Variants in NCKAP5L observed in about 807,000 individuals in gnomAD.
The protein encoded by NCKAP5L is NCK associated protein 5 like, also known as nck-associated protein 5-like.
NCKAP5L carries 54 observed loss-of-function variants against 103.2 expected under a neutral mutation model. The observed-to-expected ratio is 0.52, with a 90% CI of 0.42 to 0.66. NCKAP5L has a LOEUF of 0.66. NCKAP5L is among the 30% of genes least tolerant of loss of function. The pLI is 0.00. For missense variants in NCKAP5L, 1,733 were observed against 1,750.6 expected (o/e 0.99, Z 0.18); for synonymous variants, 762 against 748.6 (o/e 1.02, Z -0.29).
rs759402909 is a variant in NCKAP5L, at chr12:49,804,003, G to C, written c.42C>G (p.Asn14Lys). The change falls in exon 3 of 13, where the codon AAC becomes AAG. Residue 14 changes from asparagine (N) to lysine (K), a missense_variant. Physicochemically the swap from Asn to Lys is moderately conservative, Grantham distance 94. Transcript: ENST00000335999. ...CATCATCACCCTCTCCTGGCCTTGG[G>C]TTTCCAGGACCCCCAGCTGGCTGGT... ...AMDQPAGGPG[N>K]PRPGEGDDGS... 6.2e-7 allele frequency: 1 copy of C among 1,612,332 alleles called. No individual in the cohort carries two copies. The highest frequency in any genetic ancestry group is 1.1e-5 in the South Asian group (1 of 91,082).
At position 49,795,709 on chromosome 12, in the gene NCKAP5L, CT is replaced by C. The variant is rs745353071; in HGVS notation, c.2150del (p.Glu717GlyfsTer3). 1 of 1,610,378 alleles carries C rather than the reference CT, an allele frequency of 6.2e-7. No individual in the cohort carries two copies. The highest frequency in any genetic ancestry group is 8.5e-7 in the Non-Finnish European group (1 of 1,178,462). ...GTATCCCCCCCTTGGCTTCTAGCTG[CT>C]CCAGTGGCCTGTGGATGGAGGGCAC... ...DMVPSIHRPLEQLEAKGGIRG... is the reference protein window; with the variant it reads ...DMVPSIHRPLXQLEAKGGIRG... On this transcript the variant is annotated frameshift_variant, in exon 8 of 13. Transcript: ENST00000335999. LOFTEE classifies it high-confidence loss of function.
chr12:49,799,730 TTCCCATGCCACCG>T (rs1404358222), intron 6 of NCKAP5L, among the ~76,000 whole-genome samples: 1 of 152,234 alleles, frequency 6.6e-6, no homozygotes, highest in Non-Finnish European at 1.5e-5. Flanking sequence ...TGGCCAGCTC[TTCCCATGCCACCG>T]TCTCCACCTT....
In NCKAP5L at chr12:49,795,186, C is replaced by T. The variant is rs367879182; in HGVS notation, c.2674G>A (p.Glu892Lys). 2 of 1,596,398 alleles carry T rather than the reference C, an allele frequency of 1.3e-6. No individual in the cohort carries two copies. The highest frequency in any genetic ancestry group is 2.7e-5 in the African/African-American group (2 of 74,088). ...CCCTGGAGCCGCAGCACGTTCTCCT[C>T]AATGCCCTTCATCACCTTCTCCTCG... is the stretch of plus-strand genomic sequence containing the variant. ...AIEEKVMKGIEENVLRLQGQE... is the reference protein window; with the variant it reads ...AIEEKVMKGIKENVLRLQGQE... Residue 892 changes from glutamate to lysine, a missense_variant, in exon 8 of 13, where the codon GAG becomes AAG. Coordinates refer to ENST00000335999, the MANE Select transcript of NCKAP5L (RefSeq NM_001037806.4).
intron 1 of NCKAP5L, among the ~76,000 whole-genome samples, chr12:49,809,249 G>T (rs996528625): frequency 6.6e-6 from 1 of 152,170 alleles, no homozygotes; most frequent in African/African-American, 2.4e-5. Flanking sequence ...CAGTTAGCCA[G>T]ACCAGAAGGG....
At chr12:49,821,820 A>G (rs150972532) in intron 1 of NCKAP5L, among the ~76,000 whole-genome samples, 163 of 152,350 alleles carry the variant, frequency 1.1e-3, no homozygotes, top group Non-Finnish European at 2.1e-3. Flanking sequence ...TAGCTTGAGA[A>G]TTCCTCAGAG....
intron 6 of NCKAP5L, 133 bp from the exon 7 acceptor site, chr12:49,798,596 T>A (rs1284830525): frequency 2.7e-6 from 2 of 748,432 alleles, no homozygotes; most frequent in East Asian, 2.7e-5. Context: ...CAAATGCAGC[T>A]CTTGCTGCTG....
At position 49,792,865 on chromosome 12, in the gene NCKAP5L, G is replaced by C. The variant is rs748079529; in HGVS notation, c.3462C>G (p.Pro1154=). The stretch of plus-strand genomic sequence containing the variant: ...GCCGAGCTGGGGGTACCCCAGGTGG[G>C]GGATCCAGCCGCGGTGGCTTGGTCT... ...LPKTKPPRLD[P]PPGVPPARPP... Residue 1154 remains proline, a synonymous_variant, in exon 11 of 13, where the codon CCC becomes CCG. Coordinates refer to ENST00000335999, the MANE Select transcript of NCKAP5L (RefSeq NM_001037806.4). The surrounding 1 kb of genome is among the most constrained non-coding windows in gnomAD (Gnocchi z 4.5). 3 of 1,547,946 alleles carry C rather than the reference G, an allele frequency of 1.9e-6. No homozygotes were observed. The highest frequency in any genetic ancestry group is 2.6e-6 in the Non-Finnish European group (3 of 1,152,332).
intron 1 of NCKAP5L, among the ~76,000 whole-genome samples, chr12:49,810,359 G>A (rs1946226614): frequency 6.6e-6 from 1 of 152,218 alleles, no homozygotes; most frequent in Admixed American, 6.5e-5. Flanking sequence ...AGGCAGAAGA[G>A]TCTAGGCATG....
intron 1 of NCKAP5L, among the ~76,000 whole-genome samples, chr12:49,810,381 G>A (rs1452787282): frequency 6.6e-6 from 1 of 152,160 alleles, no homozygotes; most frequent in African/African-American, 2.4e-5. Flanking sequence ...AGTCCAGTTC[G>A]AACTCTGCAA....
chr12:49,827,019 G>A (rs1284894495), intron 1 of NCKAP5L, among the ~76,000 whole-genome samples: 1 of 152,202 alleles, frequency 6.6e-6, no homozygotes, highest in Non-Finnish European at 1.5e-5. Context: ...ACTAATCCCA[G>A]GTTGTTTTTA....
At chr12:49,807,665 T>C (rs2720287) in intron 1 of NCKAP5L, among the ~76,000 whole-genome samples, 56,721 of 152,168 alleles carry the variant, frequency 0.37, 10,902 homozygotes, top group South Asian at 0.46. Context: ...AAGAATTATC[T>C]TCCTTCCCAC....
rs775818355 is a variant in NCKAP5L at position 49,793,784 on chromosome 12, G to A, written c.3208C>T (p.Arg1070Trp). The A allele has an allele frequency of 6.5e-5, 104 of 1,603,954 alleles. No individual in the cohort carries two copies. The highest frequency in any genetic ancestry group is 1.3e-4 in the East Asian group (6 of 44,612). Residue 1070 changes from arginine to tryptophan, a missense_variant, in exon 9 of 13, where the codon CGG (arginine) becomes TGG (tryptophan). Arg to Trp is a moderately radical substitution (Grantham distance 101, BLOSUM62 -3). Coordinates refer to ENST00000335999, the MANE Select transcript of NCKAP5L (RefSeq NM_001037806.4). ...PKSPWPACGP[R>W]NGLVGPLQGC... ...TGAAGAGGGCCCACCAGGCCATTCC[G>A]GGGCCCACAGGCTGGCCAGGGGCTC...
At chr12:49,803,485 AGAG>A (rs1354957790) in intron 3 of NCKAP5L, among the ~76,000 whole-genome samples, 2 of 152,164 alleles carry the variant, frequency 1.3e-5, no homozygotes, top group Non-Finnish European at 1.5e-5. Flanking sequence ...GGAGACGGGC[AGAG>A]GAGGCTTTAG....
At chr12:49,824,894 C>T (rs942332591) in intron 1 of NCKAP5L, among the ~76,000 whole-genome samples, 1 of 152,224 alleles carries the variant, frequency 6.6e-6, no homozygotes, top group Non-Finnish European at 1.5e-5. Context: ...CTGACCAGAG[C>T]CCCTGGAGGG....
intron 1 of NCKAP5L, among the ~76,000 whole-genome samples, chr12:49,810,991 T>C (rs562953713): frequency 6.6e-6 from 1 of 152,004 alleles, no homozygotes; most frequent in Admixed American, 6.6e-5. Flanking sequence ...GTCTGTACTA[T>C]CCAACATGGA....
intron 1 of NCKAP5L, among the ~76,000 whole-genome samples, chr12:49,825,283 A>G (rs1946403786): frequency 6.6e-6 from 1 of 152,230 alleles, no homozygotes; most frequent in Admixed American, 6.5e-5. Flanking sequence ...TCAGTCCATT[A>G]ATGCAGCCAG....
In NCKAP5L at chr12:49,796,396, A is replaced by G. The variant is rs778986115; in HGVS notation, c.1464T>C (p.Cys488=). ...GGCTGCCGTCTGAGCCACTGTTCCGACAGGGGATTCGCGAGTTCCGGGGGA... is the reference window on the plus strand; with the variant it reads ...GGCTGCCGTCTGAGCCACTGTTCCGGCAGGGGATTCGCGAGTTCCGGGGGA... ...PQLPRNSRIP[C]RNSGSDGSPS... Residue 488 remains cysteine, a synonymous_variant, in exon 8 of 13, where the codon TGT becomes TGC. Coordinates refer to ENST00000335999, the MANE Select transcript of NCKAP5L (RefSeq NM_001037806.4). The G allele has an allele frequency of 1.9e-6, 3 of 1,579,758 alleles. No homozygotes were observed. The East Asian group carries it at 6.8e-5, about 36-fold the overall frequency.
chr12:49,800,382 G>A, intron 6 of NCKAP5L, among the ~76,000 whole-genome samples: 1 of 152,220 alleles, frequency 6.6e-6, no homozygotes, highest in Non-Finnish European at 1.5e-5. Flanking sequence ...GGCCTGCAGA[G>A]GCCTCAGCCC....
chr12:49,816,713 C>T (rs774951937), intron 1 of NCKAP5L, among the ~76,000 whole-genome samples: 7 of 151,440 alleles, frequency 4.6e-5, no homozygotes, highest in Non-Finnish European at 7.4e-5. Flanking sequence ...AGAAGAATTG[C>T]TTGAACCTGA....
Sources: gnomAD v4.1 joint callset for allele counts (sites outside exome capture counted in the v4.1 genomes callset) on GRCh38, gnomAD v4.1.1 for gene constraint, Gnocchi (gnomAD v3.1) non-coding constraint, MANE v1.5 for transcripts, NCBI Gene and HGNC (gene_info 2026-07-23, HGNC 2026-07-21) for gene names.